Variants in ZNF385D observed in about 807,000 individuals in gnomAD.
The protein encoded by ZNF385D is zinc finger protein 385D.
ZNF385D carries 15 observed loss-of-function variants against 35.8 expected under a neutral mutation model. That is an observed-to-expected ratio of 0.42 (90% CI 0.28 to 0.64). ZNF385D has a LOEUF of 0.64. Among genes scored for constraint, ZNF385D ranks in the 30% least tolerant of loss-of-function variants. The pLI, the probability that ZNF385D is intolerant of heterozygous loss-of-function variation, is 0.23. For missense variants in ZNF385D, 474 were observed against 494.6 expected, an observed-to-expected ratio of 0.96 and a Z score of 0.39; for synonymous variants, 212 against 186.8, an observed-to-expected ratio of 1.13 and a Z score of -1.10.
chr3:21,546,297 C>G (rs911546725), intron 3 of ZNF385D, among the ~76,000 whole-genome samples: 28 of 152,066 alleles, frequency 1.8e-4, no homozygotes, highest in African/African-American at 6.5e-4. Context: ...TACTCTAGTT[C>G]TGAGCAATTA....
At chr3:21,959,950 A>T (rs1702492493) in intron 3 of ZNF385D, among the ~76,000 whole-genome samples, 1 of 151,870 alleles carries the variant, frequency 6.6e-6, no homozygotes, top group Admixed American at 6.6e-5. Flanking sequence ...CTAAAAGAAA[A>T]CATAGGGGAA....
chr3:22,172,170 G>A (rs74552325), intron 2 of ZNF385D, among the ~76,000 whole-genome samples: 2 of 152,102 alleles, frequency 1.3e-5, no homozygotes, highest in Non-Finnish European at 2.9e-5. Flanking sequence ...TAAGACACTG[G>A]AAAGATGTCT....
At chr3:21,919,088 T>C (rs970547412) in intron 3 of ZNF385D, among the ~76,000 whole-genome samples, 7 of 152,180 alleles carry the variant, frequency 4.6e-5, no homozygotes, top group Admixed American at 3.3e-4. Context: ...GTTTGAAGAG[T>C]TGTCTCTTGT....
At chr3:21,713,131 C>T (rs1416266596) in intron 1 of ZNF385D, among the ~76,000 whole-genome samples, 1 of 152,190 alleles carries the variant, frequency 6.6e-6, no homozygotes, top group Non-Finnish European at 1.5e-5. Context: ...TCCTCTGTTT[C>T]CATTTTCAGA....
chr3:21,879,924 T>C (rs188027832), intron 3 of ZNF385D, among the ~76,000 whole-genome samples: 20 of 152,086 alleles, frequency 1.3e-4, no homozygotes, highest in Non-Finnish European at 2.6e-4. Context: ...AACAAACTCT[T>C]CTTTCATGTA....
intron 3 of ZNF385D, among the ~76,000 whole-genome samples, chr3:21,916,967 G>C (rs113830824): frequency 6.6e-6 from 1 of 152,084 alleles, no homozygotes; most frequent in Non-Finnish European, 1.5e-5. Context: ...CACTGCTGCT[G>C]GTTGTTATCA....
At chr3:21,985,911 GA>G (rs1694776176) in intron 3 of ZNF385D, among the ~76,000 whole-genome samples, 1 of 130,340 alleles carries the variant, frequency 7.7e-6, no homozygotes. Flanking sequence ...TGTATGTGTC[GA>G]GGAATGTATC....
intron 3 of ZNF385D, among the ~76,000 whole-genome samples, chr3:21,800,530 A>G (rs1356159202): frequency 6.6e-6 from 1 of 152,152 alleles, no homozygotes; most frequent in Non-Finnish European, 1.5e-5. Context: ...CTCAGCCACT[A>G]CGGAGGCTAA....
At chr3:22,263,456 A>G (rs1022464248) in intron 2 of ZNF385D, among the ~76,000 whole-genome samples, 5 of 151,800 alleles carry the variant, frequency 3.3e-5, no homozygotes, top group Admixed American at 1.3e-4. Context: ...TGACTATTCC[A>G]CCTGAAATAG....
At chr3:22,092,053 G>A (rs1345734524) in intron 3 of ZNF385D, among the ~76,000 whole-genome samples, 2 of 152,168 alleles carry the variant, frequency 1.3e-5, no homozygotes. Context: ...ATACAGAGTT[G>A]TTTCACTTTT....
intron 5 of ZNF385D, among the ~76,000 whole-genome samples, chr3:21,432,914 G>A (rs534530394): frequency 8.5e-5 from 13 of 152,166 alleles, no homozygotes; most frequent in Middle Eastern, 3.4e-3. Flanking sequence ...AAGGGAAAGC[G>A]AATGAAAGAA....
At chr3:21,843,150 C>T (rs1695783507) in intron 3 of ZNF385D, among the ~76,000 whole-genome samples, 1 of 151,992 alleles carries the variant, frequency 6.6e-6, no homozygotes, top group African/African-American at 2.4e-5. Flanking sequence ...CATTTCAAGA[C>T]AAGCTGAACA....
intron 3 of ZNF385D, among the ~76,000 whole-genome samples, chr3:22,056,994 T>A (rs1384935172): frequency 6.6e-6 from 1 of 152,338 alleles, no homozygotes; most frequent in East Asian, 1.9e-4. Flanking sequence ...AGGGAAGAGG[T>A]TGGAATATAT....
intron 2 of ZNF385D, among the ~76,000 whole-genome samples, chr3:22,341,679 T>A (rs888374265): frequency 6.6e-6 from 1 of 152,348 alleles, no homozygotes; most frequent in Non-Finnish European, 1.5e-5. Flanking sequence ...GAGTTGATAG[T>A]CATATCTTTT....
intron 2 of ZNF385D, among the ~76,000 whole-genome samples, chr3:22,265,828 G>A (rs1176867298): frequency 6.6e-6 from 1 of 151,902 alleles, no homozygotes; most frequent in Admixed American, 6.6e-5. Flanking sequence ...GGTGTGGTAG[G>A]TACCATTTTT....
intron 3 of ZNF385D, among the ~76,000 whole-genome samples, chr3:21,994,324 A>C (rs775146481): frequency 6.6e-5 from 10 of 152,214 alleles, no homozygotes; most frequent in Non-Finnish European, 1.5e-4. Flanking sequence ...TTAATCCTGG[A>C]AAGTTTATCT....
At chr3:21,604,523 C>T (rs1023562168) in intron 2 of ZNF385D, among the ~76,000 whole-genome samples, 3 of 152,088 alleles carry the variant, frequency 2.0e-5, no homozygotes, top group Admixed American at 6.5e-5. Flanking sequence ...GCAAAGAACA[C>T]AGAAAAGAGT....
chr3:21,700,218 C>G (rs1278114765), intron 1 of ZNF385D, among the ~76,000 whole-genome samples: 1 of 151,884 alleles, frequency 6.6e-6, no homozygotes, highest in Non-Finnish European at 1.5e-5. Context: ...TTAGCATGGT[C>G]AAGGAAGACC....
At chr3:22,167,232 C>T (rs1451648199) in intron 3 of ZNF385D, among the ~76,000 whole-genome samples, 2 of 152,196 alleles carry the variant, frequency 1.3e-5, no homozygotes, top group Non-Finnish European at 2.9e-5. Context: ...TTTACAAATA[C>T]CAACCCTTTG....
Sources: gnomAD v4.1 joint callset for allele counts (sites outside exome capture counted in the v4.1 genomes callset) on GRCh38, gnomAD v4.1.1 for gene constraint, MANE v1.5 for transcripts, NCBI Gene and HGNC (gene_info 2026-07-23, HGNC 2026-07-21) for gene names.